Variants in ENPEP observed in about 807,000 individuals in gnomAD.
The protein encoded by ENPEP is glutamyl aminopeptidase.
In ENPEP, 103 loss-of-function variants were observed where a neutral mutation model predicts 114.5. That is an observed-to-expected ratio of 0.90 (90% CI 0.77 to 1.06). The LOEUF is 1.06. Ranked by LOEUF, ENPEP falls within the 50% of genes least tolerant of loss-of-function variation. ENPEP has a pLI of 0.00. For missense variants in ENPEP, 1,196 were observed against 1,161.3 expected (o/e 1.03, Z -0.43); for synonymous variants, 420 against 422.0 (o/e 1.00, Z 0.06).
At chr4:110,489,106 T>TA (rs1724607394) in intron 2 of ENPEP, among the ~76,000 whole-genome samples, 1 of 151,728 alleles carries the variant, frequency 6.6e-6, no homozygotes, top group African/African-American at 2.4e-5. Flanking sequence ...AGCTACTATT[T>TA]AAAAAAATCA....
intron 10 of ENPEP, among the ~76,000 whole-genome samples, chr4:110,521,173 C>G (rs1014175281): frequency 6.6e-6 from 1 of 152,164 alleles, no homozygotes; most frequent in African/African-American, 2.4e-5. Context: ...CTCCCTTCAG[C>G]CTGGGCAACA....
At chr4:110,530,626 A>G (rs1214717420) in intron 10 of ENPEP, among the ~76,000 whole-genome samples, 2 of 152,198 alleles carry the variant, frequency 1.3e-5, no homozygotes, top group Non-Finnish European at 2.9e-5. Flanking sequence ...AACTCCTGAA[A>G]CATGCTTACC....
At chr4:110,521,420 A>G (rs1048393290) in intron 10 of ENPEP, among the ~76,000 whole-genome samples, 2 of 151,576 alleles carry the variant, frequency 1.3e-5, no homozygotes, top group East Asian at 3.9e-4. Context: ...TTATATATAT[A>G]CACATATATG....
At chr4:110,488,515 C>T (rs776407107) in intron 1 of ENPEP, 26 bp from the exon 2 acceptor site, 21 of 1,572,302 alleles carry the variant, frequency 1.3e-5, no homozygotes, top group African/African-American at 9.6e-5. Context: ...GCATGCATTT[C>T]GTTTGTTTGT....
At position 110,484,160 on chromosome 4, in the gene ENPEP, A is replaced by G. The variant is rs1358421950; in HGVS notation, c.645-4381A>G. On this transcript the variant is annotated intron_variant, in intron 1 of 19. Coordinates refer to ENST00000265162, the MANE Select transcript of ENPEP (RefSeq NM_001977.4). ...AGATTTATAAGATGTAGAATGAGGTATATCCTAACCACATTATGTAAATTT... is the reference window on the plus strand; with the variant it reads ...AGATTTATAAGATGTAGAATGAGGTGTATCCTAACCACATTATGTAAATTT... 2.6e-5 allele frequency among the ~76,000 whole-genome samples: 4 copies of G among 152,342 alleles called. No individual in the cohort carries two copies. In the East Asian group the frequency reaches 5.8e-4, roughly 22 times the overall value.
chr4:110,509,929 A>T (rs1282864791), intron 5 of ENPEP, 122 bp downstream of exon 5: 1 of 1,318,160 alleles, frequency 7.6e-7, no homozygotes, highest in East Asian at 2.5e-5. Flanking sequence ...CTTGCATGAA[A>T]ATCTTTCTTG....
rs758287693 is a variant in ENPEP, at chr4:110,549,828, G to T, written c.2443G>T (p.Glu815Ter). Residue 815 changes from glutamate (E) to a stop codon, truncating the protein, a stop_gained, in exon 17 of 20, where the codon GAA becomes TAA. Coordinates refer to ENST00000265162, the MANE Select transcript of ENPEP (RefSeq NM_001977.4). LOFTEE classifies it high-confidence loss of function. The stretch of plus-strand genomic sequence containing the variant: ...ATACCAGAAAACTTCATTAGCTCAA[G>T]AAAAAGAAAAACTGCTGTATGGATT... Reference protein sequence around the residue: ...EQYQKTSLAQEKEKLLYGLAS... With the variant: ...EQYQKTSLAQ 14 of 1,613,024 alleles carry T rather than the reference G, an allele frequency of 8.7e-6. No homozygotes were observed. In the African/African-American group the frequency reaches 1.5e-4, roughly 17 times the overall value.
intron 10 of ENPEP, among the ~76,000 whole-genome samples, chr4:110,522,224 C>G (rs1056183709): frequency 1.3e-5 from 2 of 151,732 alleles, no homozygotes; most frequent in Non-Finnish European, 2.9e-5. Flanking sequence ...ACTCTGTCGC[C>G]AGGCTGGAGT....
chr4:110,530,537 G>A (rs1726371076), intron 10 of ENPEP, among the ~76,000 whole-genome samples: 1 of 152,120 alleles, frequency 6.6e-6, no homozygotes, highest in Non-Finnish European at 1.5e-5. Flanking sequence ...ACTGTTAAGT[G>A]TATATATCAA....
In ENPEP at chr4:110,561,592, C is replaced by CTA; in HGVS notation, c.*36_*37dup. The stretch of plus-strand genomic sequence containing the variant: ...AATGTTAGAGTTTAATTTTGTGAAT[C>CTA]TATTGTTTCTCCTCTGAAGCATTTG... On this transcript the variant is annotated 3_prime_UTR_variant, in exon 20 of 20. Coordinates refer to ENST00000265162, the MANE Select transcript of ENPEP (RefSeq NM_001977.4). The CTA allele has an allele frequency of 1.3e-6, 2 of 1,593,574 alleles. No homozygotes were observed. Among genetic ancestry groups the CTA allele is most frequent in the Non-Finnish European group, 8.5e-7 (1 of 1,170,042 alleles).
intron 17 of ENPEP, among the ~76,000 whole-genome samples, chr4:110,553,031 ATG>A (rs1727346057): frequency 6.6e-6 from 1 of 152,150 alleles, no homozygotes; most frequent in Non-Finnish European, 1.5e-5. Context: ...ATTAAAAACA[ATG>A]TGTTTTAAAA....
At chr4:110,495,575 G>T (rs567016481) in intron 3 of ENPEP, among the ~76,000 whole-genome samples, 1 of 152,144 alleles carries the variant, frequency 6.6e-6, no homozygotes, top group Admixed American at 6.5e-5. Flanking sequence ...ACAAAAATCA[G>T]CCGGGCGTGA....
At chr4:110,531,484 G>A (rs1463261487) in intron 11 of ENPEP, among the ~76,000 whole-genome samples, 1 of 152,072 alleles carries the variant, frequency 6.6e-6, no homozygotes, top group East Asian at 1.9e-4. Flanking sequence ...TATCTTGACT[G>A]ACTGATTTAT....
At chr4:110,488,987 A>G (rs560030575) in intron 2 of ENPEP, among the ~76,000 whole-genome samples, 18 of 152,322 alleles carry the variant, frequency 1.2e-4, no homozygotes, top group Middle Eastern at 3.4e-3. Flanking sequence ...GATTACAGTA[A>G]TGGCAAACTA....
intron 3 of ENPEP, among the ~76,000 whole-genome samples, chr4:110,498,827 C>G (rs1380972478): frequency 6.6e-6 from 1 of 152,108 alleles, no homozygotes; most frequent in Non-Finnish European, 1.5e-5. Context: ...CAGGTCTTGT[C>G]CCTTCAACCT....
At chr4:110,481,616 C>G (rs568660766) in intron 1 of ENPEP, among the ~76,000 whole-genome samples, 3 of 152,172 alleles carry the variant, frequency 2.0e-5, no homozygotes, top group African/African-American at 4.8e-5. Context: ...GCTTCTCTCC[C>G]ATAAACGAGC....
rs555096951 is a variant in ENPEP, at chr4:110,487,498, G to A, written c.645-1043G>A. ...AGCAGCTAGAAAAATGTCTGCAAAT[G>A]TGTGCATGCATGCATAGGTGCTTGT... On this transcript the variant is annotated intron_variant, in intron 1 of 19. Transcript: ENST00000265162. Among the ~76,000 whole-genome samples, 3 of 152,316 alleles carry A rather than the reference G, an allele frequency of 2.0e-5. No individual in the cohort carries two copies. In the South Asian group the frequency reaches 6.2e-4, roughly 32 times the overall value.
chr4:110,509,612 G>T, intron 4 of ENPEP, 41 bp from the exon 5 acceptor site: 1 of 1,577,468 alleles, frequency 6.3e-7, no homozygotes, highest in Non-Finnish European at 8.6e-7. Context: ...TGAACAAATG[G>T]AAAGAATGTA....
At chr4:110,534,740 C>G (rs570656775) in intron 11 of ENPEP, among the ~76,000 whole-genome samples, 2 of 151,764 alleles carry the variant, frequency 1.3e-5, no homozygotes, top group Non-Finnish European at 1.5e-5. Context: ...AACTCCAGAC[C>G]TCAGGTGATC....
Sources: gnomAD v4.1 joint callset for allele counts (sites outside exome capture counted in the v4.1 genomes callset) on GRCh38, gnomAD v4.1.1 for gene constraint, MANE v1.5 for transcripts, NCBI Gene and HGNC (gene_info 2026-07-23, HGNC 2026-07-21) for gene names.